The following XRN1 variants were observed in gnomAD, a reference collection of about 807,000 sequenced individuals.
XRN1 encodes strand-exchange protein 1 homolog.
Under a neutral mutation model 222.3 loss-of-function variants are expected in XRN1, and 67 were observed. That is an observed-to-expected ratio of 0.30 (90% confidence interval 0.25 to 0.37). The LOEUF (loss-of-function observed/expected upper bound fraction) is 0.37, where lower values mean the gene tolerates loss of function less well. XRN1 is among the 10% of genes least tolerant of loss of function. The pLI, the probability that XRN1 is intolerant of heterozygous loss-of-function variation, is 1.00. For synonymous variants in XRN1, 643 were observed against 652.4 expected, an observed-to-expected ratio of 0.99 and a Z score of 0.22; for missense variants, 1,707 against 2,000.2, an observed-to-expected ratio of 0.85 and a Z score of 2.80.
At chr3:142,401,159 G>C (rs1172356638) in intron 18 of XRN1, among the ~76,000 whole-genome samples, 1 of 152,052 alleles carries the variant, frequency 6.6e-6, no homozygotes, top group Admixed American at 6.6e-5. Context: ...TTTATGGCTG[G>C]TGTGATGAAA....
intron 5 of XRN1, among the ~76,000 whole-genome samples, chr3:142,424,355 CA>C (rs1186333539): frequency 6.6e-6 from 1 of 152,174 alleles, no homozygotes; most frequent in Non-Finnish European, 1.5e-5. Context: ...CTCGGCCTCC[CA>C]AAGAGATGGG....
At chr3:142,371,376 T>C (rs755461042) in intron 25 of XRN1, 48 bp from the exon 26 acceptor site, 4 of 1,355,712 alleles carry the variant, frequency 3.0e-6, no homozygotes, top group Non-Finnish European at 4.1e-6. Context: ...ATGGTTAATT[T>C]CGGATAAACT....
Position 142,306,952 on chromosome 3 carries a change from CAATT to C in XRN1, c.*4555_*4558del, listed in dbSNP as rs1402904148. 6.6e-6 allele frequency: 1 copy of C among 152,434 alleles called. No homozygotes were observed. The highest frequency in any genetic ancestry group is 2.4e-5 in the African/African-American group (1 of 41,374). The allele number at this position is 152,434 out of a possible 1,614,324, so 9.4% of individuals were successfully genotyped here. A position where few individuals can be genotyped will look rare whatever the true frequency, so the allele number is the denominator to read the frequency against. Reference sequence around the variant, plus strand: ...GTTACTTATAAAATAGTTGAGAAATCAATTAAGATATGTATCTATATATGTATGA... The same window carrying C: ...GTTACTTATAAAATAGTTGAGAAATCAAGATATGTATCTATATATGTATGA... On this transcript the variant is annotated 3_prime_UTR_variant, in exon 41 of 41. Transcript: ENST00000392981.
At chr3:142,418,912 G>A (rs760201835) in intron 10 of XRN1, 31 bp from the exon 11 acceptor site, 1 of 1,587,402 alleles carries the variant, frequency 6.3e-7, no homozygotes, top group Non-Finnish European at 8.6e-7. Context: ...TAAAATGAAT[G>A]GCAAGATACA....
chr3:142,418,373 G>A (rs777171643), intron 12 of XRN1, 131 bp downstream of exon 12: 19 of 640,088 alleles, frequency 3.0e-5, no homozygotes, highest in Non-Finnish European at 4.2e-5. Context: ...CAGACTAGTT[G>A]AAACATACAC....
chr3:142,321,105 CTTTTTTTTTTTTTT>C (rs573856556), intron 37 of XRN1, among the ~76,000 whole-genome samples: 30 of 87,310 alleles, frequency 3.4e-4, no homozygotes, highest in African/African-American at 1.3e-3. Flanking sequence ...CATCCACTTC[CTTTTTTTTTTTTTT>C]TTTTTTTTTT....
chr3:142,312,867 G>T, intron 39 of XRN1, 109 bp from the exon 40 acceptor site: 2 of 1,152,548 alleles, frequency 1.7e-6, no homozygotes, highest in Non-Finnish European at 2.5e-6. Context: ...TTCCCCTTTG[G>T]CAAAAGGCCT....
chr3:142,385,911 T>C (rs1018656084), intron 20 of XRN1, among the ~76,000 whole-genome samples: 1 of 151,800 alleles, frequency 6.6e-6, no homozygotes, highest in Non-Finnish European at 1.5e-5. Flanking sequence ...AATCACACTT[T>C]AAAAGTTTTG....
chr3:142,404,549 C>A (rs1395152462), intron 16 of XRN1, among the ~76,000 whole-genome samples: 1 of 151,962 alleles, frequency 6.6e-6, no homozygotes, highest in Admixed American at 6.6e-5. Flanking sequence ...AATATCACAG[C>A]GTATCAAATA....
intron 18 of XRN1, among the ~76,000 whole-genome samples, chr3:142,403,025 A>G (rs146794080): frequency 3.3e-4 from 51 of 152,244 alleles, no homozygotes; most frequent in Middle Eastern, 3.4e-3. Context: ...AGTTTATTAT[A>G]CTGCCACCAA....
chr3:142,314,715 A>G (rs1232302209), intron 39 of XRN1, among the ~76,000 whole-genome samples: 2 of 151,674 alleles, frequency 1.3e-5, no homozygotes, highest in East Asian at 2.0e-4. Context: ...ACAAGCCTGA[A>G]CAACATGGTG....
intron 4 of XRN1, 30 bp from the exon 5 acceptor site, chr3:142,425,362 A>G: frequency 6.3e-7 from 1 of 1,587,986 alleles, no homozygotes; most frequent in Non-Finnish European, 8.6e-7. Flanking sequence ...AAAATGCAGT[A>G]ATATGGTATA....
At chr3:142,446,820 T>C (rs2070524517) in intron 1 of XRN1, among the ~76,000 whole-genome samples, 2 of 152,258 alleles carry the variant, frequency 1.3e-5, no homozygotes, top group Admixed American at 6.5e-5. Flanking sequence ...TTTTGTAGTC[T>C]ATTTCTCATC....
intron 37 of XRN1, among the ~76,000 whole-genome samples, chr3:142,322,191 C>G (rs2065373894): frequency 6.6e-6 from 1 of 152,104 alleles, no homozygotes; most frequent in Non-Finnish European, 1.5e-5. Flanking sequence ...TTCAGGGAGG[C>G]ACTGAGATCA....
chr3:142,387,207 G>A (rs759679130), intron 20 of XRN1, among the ~76,000 whole-genome samples: 17 of 152,092 alleles, frequency 1.1e-4, no homozygotes, highest in Non-Finnish European at 1.9e-4. Flanking sequence ...AAGAAATCAG[G>A]CTCAAGAAGA....
chr3:142,442,914 T>C (rs749221253), intron 1 of XRN1, among the ~76,000 whole-genome samples: 16 of 152,076 alleles, frequency 1.1e-4, no homozygotes, highest in Non-Finnish European at 8.8e-5. Flanking sequence ...TTTGTATTTT[T>C]AGTAGAGACG....
At chr3:142,425,194 A>C (rs1007880923) in intron 5 of XRN1, 28 bp downstream of exon 5, 3 of 1,456,084 alleles carry the variant, frequency 2.1e-6, no homozygotes, top group African/African-American at 2.9e-5. Context: ...TCAATGCATA[A>C]GTTTATAATA....
chr3:142,397,353 T>C lies in XRN1; in HGVS notation c.2315A>G (p.Lys772Arg). The part of the protein sequence containing the change: ...LGDKEQSNWA[K>R]EVQGISEHYL... Reference sequence around the variant, plus strand: ...CTGTTCTGAAATTCCTTGTACTTCTTTTGCCCAGTTAGATTGTTCTTTATC... The same window carrying C: ...CTGTTCTGAAATTCCTTGTACTTCTCTTGCCCAGTTAGATTGTTCTTTATC... The change falls in exon 20 of 41, where the codon AAA becomes AGA. Residue 772 changes from lysine to arginine, a missense_variant. By Grantham distance (26) the Lys-to-Arg change is conservative. This residue lies in a region of XRN1 where 1,234 missense variants were observed against 1,518.2 expected (regional missense o/e 0.81). Transcript: ENST00000392981. 6.3e-7 allele frequency: 1 copy of C among 1,595,686 alleles called. No homozygotes were observed. Among genetic ancestry groups the C allele is most frequent in the Non-Finnish European group, 8.5e-7 (1 of 1,170,696 alleles).
chr3:142,444,570 C>G (rs1040734974), intron 1 of XRN1, among the ~76,000 whole-genome samples: 17 of 152,104 alleles, frequency 1.1e-4, no homozygotes, highest in African/African-American at 4.1e-4. Flanking sequence ...GATTGCGTCA[C>G]TGTACTCCAG....
Sources: allele counts gnomAD v4.1 joint callset (sites outside exome capture counted in the v4.1 genomes callset), GRCh38; gene constraint gnomAD v4.1.1; regional missense constraint gnomAD v4.1.1; transcripts MANE v1.5; gene names NCBI Gene and HGNC (gene_info 2026-07-23, HGNC 2026-07-21).